Variants in PCCB observed in about 807,000 individuals in gnomAD.
PCCB encodes the protein propionyl-CoA carboxylase beta chain, mitochondrial.
PCCB carries 43 observed loss-of-function variants against 60.7 expected under a neutral mutation model. The observed-to-expected ratio is 0.71, with a 90% confidence interval of 0.55 to 0.91. The LOEUF (loss-of-function observed/expected upper bound fraction) is 0.91, where lower values mean the gene tolerates loss of function less well. PCCB is among the 40% of genes least tolerant of loss of function. The probability of loss-of-function intolerance (pLI) is 0.00; values close to 1 mark genes in which losing one functional copy is unlikely to be tolerated. For missense variants in PCCB, 766 were observed against 702.8 expected, an observed-to-expected ratio of 1.09 and a Z score of -1.02; for synonymous variants, 276 against 255.9, an observed-to-expected ratio of 1.08 and a Z score of -0.75.
intron 5 of PCCB, among the ~76,000 whole-genome samples, chr3:136,273,195 A>G (rs552454871): frequency 4.0e-4 from 61 of 152,118 alleles, no homozygotes; most frequent in Non-Finnish European, 5.0e-4. Flanking sequence ...TATGATTTCA[A>G]TTTTCTTAAA....
intron 9 of PCCB, among the ~76,000 whole-genome samples, chr3:136,311,074 C>T (rs142027841): frequency 8.8e-4 from 134 of 152,156 alleles, no homozygotes; most frequent in Admixed American, 7.8e-3. Flanking sequence ...TTAACCAATA[C>T]AGTTATCCAA....
chr3:136,323,199 T>C (rs779009454), intron 10 of PCCB, among the ~76,000 whole-genome samples: 1 of 152,204 alleles, frequency 6.6e-6, no homozygotes, highest in Admixed American at 6.5e-5. Context: ...CCACTTTCTC[T>C]TAGTCTTCTC....
chr3:136,266,981 C>A (rs796149656), intron 5 of PCCB, among the ~76,000 whole-genome samples: 4 of 152,276 alleles, frequency 2.6e-5, no homozygotes, highest in African/African-American at 9.6e-5. Context: ...TTCCTGGGTT[C>A]AAGTGATTCT....
intron 5 of PCCB, among the ~76,000 whole-genome samples, chr3:136,277,265 G>A (rs1407367753): frequency 6.6e-6 from 1 of 152,210 alleles, no homozygotes; most frequent in Non-Finnish European, 1.5e-5. Context: ...AGGCAATGAT[G>A]ATAGCTTAGG....
intron 13 of PCCB, among the ~76,000 whole-genome samples, chr3:136,328,155 G>A (rs1039479133): frequency 6.6e-6 from 1 of 152,168 alleles, no homozygotes; most frequent in African/African-American, 2.4e-5. Flanking sequence ...CTGTAGGTCC[G>A]ACCCTAGTGA....
intron 6 of PCCB, among the ~76,000 whole-genome samples, chr3:136,290,436 T>C (rs1483867734): frequency 6.6e-6 from 1 of 152,162 alleles, no homozygotes; most frequent in East Asian, 1.9e-4. Context: ...TTTTTTCTTG[T>C]GGCTGCCTTT....
At chr3:136,327,803 C>T (rs2108239218) in intron 13 of PCCB, 71 bp downstream of exon 13, 2 of 1,264,728 alleles carry the variant, frequency 1.6e-6, no homozygotes, top group Middle Eastern at 2.6e-4. Flanking sequence ...CAAGGCATAG[C>T]TGGGAAATGT....
chr3:136,261,579 A>C (rs968390900), intron 4 of PCCB, among the ~76,000 whole-genome samples: 5 of 70,284 alleles, frequency 7.1e-5, no homozygotes, highest in Non-Finnish European at 1.7e-4. Context: ...TGCTTTCATG[A>C]AAGTACTACT....
At position 136,305,713 on chromosome 3, in the gene PCCB, C is replaced by A. The variant is rs1158458741; in HGVS notation, c.966+4602C>A. 1.9e-5 allele frequency among the ~76,000 whole-genome samples: 2 copies of A among 106,882 alleles called. 1 individual carries two copies. Among genetic ancestry groups the A allele is most frequent in the African/African-American group, 5.6e-5 (2 of 35,554 alleles). The allele number at this position is 106,882 out of a possible 152,430, so 70.1% of individuals were successfully genotyped here. ...GCAATGAGCTGAGATTGCACCATTGCATTTCAGCCTGGGCGATGAGTGAAA... is the reference window on the plus strand; with the variant it reads ...GCAATGAGCTGAGATTGCACCATTGAATTTCAGCCTGGGCGATGAGTGAAA... On this transcript the variant is annotated intron_variant, in intron 9 of 14. Coordinates refer to ENST00000251654, the MANE Select transcript of PCCB (RefSeq NM_000532.5).
At chr3:136,259,588 A>G (rs1009757411) in intron 3 of PCCB, among the ~76,000 whole-genome samples, 1 of 152,178 alleles carries the variant, frequency 6.6e-6, no homozygotes, top group African/African-American at 2.4e-5. Context: ...AGAACTGCAA[A>G]TCATTTCTTT....
At chr3:136,274,918 C>T (rs1183714352) in intron 5 of PCCB, among the ~76,000 whole-genome samples, 1 of 151,762 alleles carries the variant, frequency 6.6e-6, no homozygotes, top group Non-Finnish European at 1.5e-5. Context: ...TCAGGCAATC[C>T]TCACACCTCT....
At chr3:136,290,137 A>T (rs1406921752) in intron 6 of PCCB, among the ~76,000 whole-genome samples, 1 of 152,120 alleles carries the variant, frequency 6.6e-6, no homozygotes, top group Non-Finnish European at 1.5e-5. Context: ...CTTTATGTAG[A>T]TATAAGTTTC....
At chr3:136,267,944 C>CTTTTTT (rs1190834904) in intron 5 of PCCB, among the ~76,000 whole-genome samples, 1 of 103,464 alleles carries the variant, frequency 9.7e-6, no homozygotes, top group African/African-American at 3.8e-5. Flanking sequence ...AGGTTTGGCT[C>CTTTTTT]TTTTTTTTTT....
rs1559997795 is a variant in PCCB, at chr3:136,260,466, A to G, written c.373-13A>G. 4 of 1,608,580 alleles carry G rather than the reference A, an allele frequency of 2.5e-6. No homozygotes were observed. The Admixed American group carries it at 6.7e-5, about 27-fold the overall frequency. On this transcript the variant is annotated splice_polypyrimidine_tract_variant and intron_variant, in intron 3 of 14. Coordinates refer to ENST00000251654, the MANE Select transcript of PCCB (RefSeq NM_000532.5). ...CACTATATTTGACTTGCTGATTTGT[A>G]TTTTCTTTTTAGGATTTTACAGTTT...
At chr3:136,275,420 A>T (rs899419284) in intron 5 of PCCB, among the ~76,000 whole-genome samples, 2 of 151,630 alleles carry the variant, frequency 1.3e-5, no homozygotes, top group Admixed American at 6.6e-5. Flanking sequence ...TGAATTATTT[A>T]TCTGATTATT....
chr3:136,271,334 CTT>C (rs899378747), intron 5 of PCCB, among the ~76,000 whole-genome samples: 7 of 151,978 alleles, frequency 4.6e-5, no homozygotes, highest in African/African-American at 1.7e-4. Context: ...TATCTGGACT[CTT>C]TTTTGGTTCC....
chr3:136,293,961 T>C, intron 7 of PCCB, 97 bp downstream of exon 7: 1 of 760,166 alleles, frequency 1.3e-6, no homozygotes, highest in Non-Finnish European at 2.4e-6. Context: ...ATTACTTAAT[T>C]GGCAGACCTT....
intron 4 of PCCB, 115 bp from the exon 5 acceptor site, chr3:136,261,837 C>T: frequency 1.4e-6 from 1 of 732,828 alleles, no homozygotes; most frequent in Non-Finnish European, 2.5e-6. Flanking sequence ...GTTACTGCCT[C>T]CTGTTTTGAA....
chr3:136,261,796 G>T (rs1312957521), intron 4 of PCCB, among the ~76,000 whole-genome samples, 156 bp from the exon 5 acceptor site: 2 of 152,214 alleles, frequency 1.3e-5, no homozygotes, highest in Admixed American at 1.3e-4. Context: ...TTCCATGAAG[G>T]TACCCAATCG....
Sources: allele counts gnomAD v4.1 joint callset (sites outside exome capture counted in the v4.1 genomes callset), GRCh38; gene constraint gnomAD v4.1.1; transcripts MANE v1.5; gene names NCBI Gene and HGNC (gene_info 2026-07-23, HGNC 2026-07-21).